GPR158: variants seen among roughly 807,000 people sequenced by gnomAD.
GPR158 encodes the protein G protein-coupled receptor 158, also known as metabotropic glycine receptor.
A neutral mutation model predicts 78.2 loss-of-function variants in GPR158; 30 were observed. That is an observed-to-expected ratio of 0.38 (90% CI 0.29 to 0.52). GPR158 has a LOEUF of 0.52. Ranked by LOEUF, GPR158 falls within the 20% of genes least tolerant of loss-of-function variation. The pLI, the probability that GPR158 is intolerant of heterozygous loss-of-function variation, is 0.83. For synonymous variants in GPR158, 581 were observed against 591.1 expected, an observed-to-expected ratio of 0.98 and a Z score of 0.25; for missense variants, 1,463 against 1,523.5, an observed-to-expected ratio of 0.96 and a Z score of 0.66.
chr10:25,259,453 T>C (rs2130732022), intron 2 of GPR158, among the ~76,000 whole-genome samples: 1 of 152,318 alleles, frequency 6.6e-6, no homozygotes, highest in South Asian at 2.1e-4. Context: ...TTTGTGTGTG[T>C]GTTTTTAAAT....
At chr10:25,318,889 A>G (rs1854902969) in intron 2 of GPR158, among the ~76,000 whole-genome samples, 1 of 152,198 alleles carries the variant, frequency 6.6e-6, no homozygotes, top group African/African-American at 2.4e-5. Flanking sequence ...GGAACACAGG[A>G]GATTGTGTGT....
intron 9 of GPR158, among the ~76,000 whole-genome samples, chr10:25,596,434 C>T (rs948797837): frequency 6.6e-6 from 1 of 152,038 alleles, no homozygotes. Flanking sequence ...ATAGCTGCTG[C>T]TCTCCTGGCT....
Position 25,319,716 on chromosome 10 carries a change from C to A in GPR158, c.1009-76195C>A, listed in dbSNP as rs150359738. ...TCTAAGCTAATCACATCGGCGACAT[C>A]GTTCTTTATGTAAAACACTGAGAGT... is the stretch of plus-strand genomic sequence containing the variant. On this transcript the variant is annotated intron_variant, in intron 2 of 10. Coordinates refer to ENST00000376351, the MANE Select transcript of GPR158 (RefSeq NM_020752.3). 5.7e-3 allele frequency among the ~76,000 whole-genome samples: 873 copies of A among 152,112 alleles called. 9 individuals carry two copies. Among genetic ancestry groups the A allele is most frequent in the African/African-American group, 0.02 (833 of 41,500 alleles).
In GPR158 at chr10:25,317,718, T is replaced by TTTG. The variant is rs1312300434; in HGVS notation, c.1009-78191_1009-78190insGTT. Among the ~76,000 whole-genome samples, 373 of 138,106 alleles carry TTTG rather than the reference T, an allele frequency of 2.7e-3. 15 individuals are homozygous for TTTG. The highest frequency in any genetic ancestry group is 0.011 in the African/African-American group (347 of 31,136). 90.6% of individuals were successfully genotyped at this position (138,106 alleles called of 152,430 possible). ...AAATTCTGTTTTCTTCGTAAAGTGT[T>TTTG]TTTTTTTGTTTTGTTTTGTTTTGTT... On this transcript the variant is annotated intron_variant, in intron 2 of 10. Coordinates refer to ENST00000376351, the MANE Select transcript of GPR158 (RefSeq NM_020752.3).
chr10:25,547,239 C>T (rs944586236), intron 5 of GPR158, among the ~76,000 whole-genome samples: 8 of 152,098 alleles, frequency 5.3e-5, no homozygotes, highest in African/African-American at 9.7e-5. Flanking sequence ...GTGCTGTAGC[C>T]GGATGGATTC....
chr10:25,362,106 C>T (rs1855649445), intron 2 of GPR158, among the ~76,000 whole-genome samples: 1 of 151,828 alleles, frequency 6.6e-6, no homozygotes, highest in Non-Finnish European at 1.5e-5. Flanking sequence ...AGTTTCGTGG[C>T]TTTAGATCTT....
intron 6 of GPR158, among the ~76,000 whole-genome samples, chr10:25,563,446 A>G (rs1428954091): frequency 1.3e-5 from 2 of 152,190 alleles, no homozygotes; most frequent in African/African-American, 2.4e-5. Flanking sequence ...ATTACTCATA[A>G]GGAAGGACTT....
chr10:25,468,514 G>T (rs552589721), intron 5 of GPR158, among the ~76,000 whole-genome samples: 1 of 152,130 alleles, frequency 6.6e-6, no homozygotes, highest in Non-Finnish European at 1.5e-5. Flanking sequence ...GTATGTATGC[G>T]TAATATATAC....
chr10:25,186,738 A>G (rs575985363), intron 1 of GPR158, among the ~76,000 whole-genome samples: 1 of 152,326 alleles, frequency 6.6e-6, no homozygotes, highest in African/African-American at 2.4e-5. Flanking sequence ...TTAATAGCCT[A>G]TCAACCAAAA....
intron 2 of GPR158, among the ~76,000 whole-genome samples, chr10:25,346,783 C>A (rs978203685): frequency 1.5e-4 from 23 of 151,910 alleles, no homozygotes; most frequent in Admixed American, 1.5e-3. Flanking sequence ...AACCTAGTTA[C>A]TTCAACAATT....
chr10:25,479,014 T>C (rs76658644), intron 5 of GPR158, among the ~76,000 whole-genome samples: 7,212 of 85,768 alleles, frequency 0.084, 252 homozygotes, highest in East Asian at 0.4. Flanking sequence ...CCATGGTGTA[T>C]ATGTGCCACT....
chr10:25,192,784 GATA>G (rs1307546019), intron 1 of GPR158, among the ~76,000 whole-genome samples: 1 of 146,958 alleles, frequency 6.8e-6, no homozygotes, highest in African/African-American at 2.5e-5. Context: ...GTAGAAAAAT[GATA>G]AAAAAAAATA....
At chr10:25,467,916 C>T (rs1564463525) in intron 5 of GPR158, among the ~76,000 whole-genome samples, 4 of 151,772 alleles carry the variant, frequency 2.6e-5, no homozygotes, top group Middle Eastern at 6.8e-3. Context: ...CCACCCAGTT[C>T]CCGCCCCAGG....
intron 2 of GPR158, among the ~76,000 whole-genome samples, chr10:25,337,076 T>C (rs542450274): frequency 1.3e-5 from 2 of 152,280 alleles, no homozygotes; most frequent in South Asian, 2.1e-4. Context: ...TTTCAAAATA[T>C]AGCAGCATTT....
intron 2 of GPR158, among the ~76,000 whole-genome samples, chr10:25,308,740 C>T (rs184187897): frequency 2.0e-5 from 3 of 152,258 alleles, no homozygotes; most frequent in Non-Finnish European, 2.9e-5. Context: ...TCCCCTAAAA[C>T]CACCATTCTA....
rs1837475063 is a variant in GPR158 at position 25,600,162 on chromosome 10, T to C, written c.*888T>C. The C allele has an allele frequency of 6.6e-6, 1 of 152,642 alleles. No individual in the cohort carries two copies. Among genetic ancestry groups the C allele is most frequent in the South Asian group, 2.1e-4 (1 of 4,838 alleles). The allele number at this position is 152,642 out of a possible 1,614,324, so 9.5% of individuals were successfully genotyped here. On this transcript the variant is annotated 3_prime_UTR_variant, in exon 11 of 11. Transcript: ENST00000376351. ...TAGGACTCAGAAGCTTTATTAATAT[T>C]GGAGATCAAGTGGTCCTACTTAGTC...
chr10:25,205,494 A>G (rs1367867833), intron 1 of GPR158, among the ~76,000 whole-genome samples: 1 of 151,192 alleles, frequency 6.6e-6, no homozygotes, highest in Non-Finnish European at 1.5e-5. Context: ...TGCAATCTCT[A>G]GTTCCTTTAT....
At chr10:25,320,802 G>A (rs1207462211) in intron 2 of GPR158, among the ~76,000 whole-genome samples, 2 of 152,158 alleles carry the variant, frequency 1.3e-5, no homozygotes, top group Non-Finnish European at 2.9e-5. Context: ...ACCCTAGCAG[G>A]AGTTTTTATT....
chr10:25,242,363 G>T (rs1467939971), intron 2 of GPR158, among the ~76,000 whole-genome samples: 1 of 152,210 alleles, frequency 6.6e-6, no homozygotes, highest in African/African-American at 2.4e-5. Context: ...TAGAATAATA[G>T]ACTTTAAAAA....
Sources: gnomAD v4.1 joint callset for allele counts (sites outside exome capture counted in the v4.1 genomes callset) on GRCh38, gnomAD v4.1.1 for gene constraint, MANE v1.5 for transcripts, NCBI Gene and HGNC (gene_info 2026-07-23, HGNC 2026-07-21) for gene names.